The following DIAPH3 variants were observed in gnomAD, a reference collection of about 807,000 sequenced individuals.
DIAPH3 encodes the protein protein diaphanous homolog 3.
In DIAPH3, 117 loss-of-function variants were observed where a neutral mutation model predicts 144.3. The observed-to-expected ratio is 0.81, with a 90% CI of 0.70 to 0.95. DIAPH3 has a LOEUF of 0.95. Ranked by LOEUF, DIAPH3 falls within the 40% of genes least tolerant of loss-of-function variation. The probability of loss-of-function intolerance (pLI) is 0.00; values close to 1 mark genes in which losing one functional copy is unlikely to be tolerated. For missense variants in DIAPH3, 1,421 were observed against 1,412.7 expected, an observed-to-expected ratio of 1.01 and a Z score of -0.09; for synonymous variants, 519 against 488.9, an observed-to-expected ratio of 1.06 and a Z score of -0.81.
intron 22 of DIAPH3, among the ~76,000 whole-genome samples, chr13:59,846,260 A>G (rs760489364): frequency 6.6e-6 from 1 of 152,018 alleles, no homozygotes; most frequent in African/African-American, 2.4e-5. Context: ...TCCTCTATGA[A>G]TATCTCCTGG....
At chr13:60,108,406 C>T (rs1368777130) in intron 3 of DIAPH3, among the ~76,000 whole-genome samples, 4 of 151,924 alleles carry the variant, frequency 2.6e-5, no homozygotes, top group African/African-American at 9.7e-5. Context: ...GTCAGGAATT[C>T]GAGACCAGCC....
intron 4 of DIAPH3, among the ~76,000 whole-genome samples, chr13:60,079,220 T>C (rs1358249703): frequency 6.6e-6 from 1 of 152,076 alleles, no homozygotes; most frequent in Admixed American, 6.6e-5. Context: ...AAATAAAGCA[T>C]GATTTATTTA....
At chr13:59,944,889 C>A (rs1685248226) in intron 17 of DIAPH3, among the ~76,000 whole-genome samples, 1 of 151,960 alleles carries the variant, frequency 6.6e-6, no homozygotes. Flanking sequence ...AGTAATCAAT[C>A]TTTCCAGGCT....
chr13:60,015,889 A>T, intron 7 of DIAPH3, 24 bp downstream of exon 7: 7 of 1,591,398 alleles, frequency 4.4e-6, no homozygotes, highest in African/African-American at 1.3e-5. Flanking sequence ...GTGACGGACA[A>T]ATACTAATTA....
intron 17 of DIAPH3, among the ~76,000 whole-genome samples, chr13:59,929,769 C>A (rs909571542): frequency 4.6e-5 from 7 of 151,450 alleles, no homozygotes; most frequent in African/African-American, 1.7e-4. Context: ...CAGGGTTTCA[C>A]CATGTTGACC....
intron 17 of DIAPH3, among the ~76,000 whole-genome samples, chr13:59,952,078 A>C (rs1326729917): frequency 6.6e-6 from 1 of 152,206 alleles, no homozygotes; most frequent in East Asian, 1.9e-4. Flanking sequence ...TCAACCATTA[A>C]AAGAAACATA....
chr13:59,825,836 T>A (rs1375353805), intron 24 of DIAPH3, among the ~76,000 whole-genome samples: 1 of 152,146 alleles, frequency 6.6e-6, no homozygotes, highest in Non-Finnish European at 1.5e-5. Flanking sequence ...AATGTCTTCT[T>A]TTCAGAAGTG....
chr13:59,857,288 A>G (rs1197340115), intron 22 of DIAPH3, among the ~76,000 whole-genome samples: 4 of 152,170 alleles, frequency 2.6e-5, no homozygotes, highest in Non-Finnish European at 5.9e-5. Context: ...GTAGGTGAAT[A>G]AAAGATAAAC....
At chr13:59,909,313 ACTGT>A (rs1011090494) in intron 20 of DIAPH3, among the ~76,000 whole-genome samples, 28 of 151,306 alleles carry the variant, frequency 1.9e-4, no homozygotes, top group African/African-American at 6.1e-4. Context: ...GACATTCCAG[ACTGT>A]CTAACACTCT....
intron 3 of DIAPH3, among the ~76,000 whole-genome samples, chr13:60,110,111 G>C (rs1331192257): frequency 6.6e-6 from 1 of 152,140 alleles, no homozygotes; most frequent in Non-Finnish European, 1.5e-5. Flanking sequence ...AATCAAGTCA[G>C]CACAGTCTTT....
At chr13:59,923,094 T>C (rs765748350) in intron 18 of DIAPH3, among the ~76,000 whole-genome samples, 28 of 152,182 alleles carry the variant, frequency 1.8e-4, no homozygotes, top group South Asian at 2.1e-4. Context: ...AAATTTGAAA[T>C]CCCATGTAGA....
intron 4 of DIAPH3, among the ~76,000 whole-genome samples, chr13:60,064,626 T>A (rs543680870): frequency 6.6e-6 from 1 of 152,322 alleles, no homozygotes; most frequent in African/African-American, 2.4e-5. Flanking sequence ...GCTAGTTTGA[T>A]CTTCCATCTG....
intron 27 of DIAPH3, among the ~76,000 whole-genome samples, chr13:59,755,602 A>T (rs542862269): frequency 1.8e-4 from 28 of 152,290 alleles, no homozygotes; most frequent in Middle Eastern, 6.8e-3. Flanking sequence ...CAGATGAAAC[A>T]ATCTGTTACT....
chr13:60,017,872 A>G (rs1023386312), intron 5 of DIAPH3, among the ~76,000 whole-genome samples: 7 of 152,244 alleles, frequency 4.6e-5, no homozygotes, highest in Non-Finnish European at 8.8e-5. Context: ...CTGCTACTTC[A>G]AAAGTGAAGG....
At chr13:59,861,215 T>C in intron 22 of DIAPH3, 192 bp downstream of exon 22, 1 of 1,483,476 alleles carries the variant, frequency 6.7e-7, no homozygotes, top group African/African-American at 1.4e-5. Flanking sequence ...ATCATCTAAC[T>C]AAACAAATTA....
At chr13:60,070,877 GGTTT>G (rs2057180540) in intron 4 of DIAPH3, among the ~76,000 whole-genome samples, 1 of 151,964 alleles carries the variant, frequency 6.6e-6, no homozygotes, top group South Asian at 2.1e-4. Context: ...ATCATTACAT[GGTTT>G]ATTTTGAGAG....
intron 9 of DIAPH3, among the ~76,000 whole-genome samples, chr13:60,005,173 C>T (rs916516377): frequency 6.6e-6 from 1 of 152,082 alleles, no homozygotes; most frequent in Non-Finnish European, 1.5e-5. Flanking sequence ...GATTATGTGG[C>T]GATTTTTTAA....
chr13:59,678,518 T>C (rs2032765298), intron 27 of DIAPH3, among the ~76,000 whole-genome samples: 1 of 152,174 alleles, frequency 6.6e-6, no homozygotes, highest in South Asian at 2.1e-4. Context: ...GAAGAAATAT[T>C]GATGTTCTCT....
rs150987289 is a variant in DIAPH3, at chr13:60,067,982, G to A, written c.496-25162C>T. Among the ~76,000 whole-genome samples the A allele has an allele frequency of 2.0e-5, 3 of 152,042 alleles. No individual in the cohort carries two copies. In the South Asian group the frequency reaches 6.2e-4, roughly 32 times the overall value. ...ATTTCTTAATAGAATCATCTTATAT[G>A]ATTTTCTGCAGATTTGCTTTTCTCA... On this transcript the variant is annotated intron_variant, in intron 4 of 27. Coordinates refer to ENST00000400324, the MANE Select transcript of DIAPH3 (RefSeq NM_001042517.2).
Sources: gnomAD v4.1 joint callset for allele counts (sites outside exome capture counted in the v4.1 genomes callset) on GRCh38, gnomAD v4.1.1 for gene constraint, MANE v1.5 for transcripts, NCBI Gene and HGNC (gene_info 2026-07-23, HGNC 2026-07-21) for gene names.